Variants in PTPRO observed in about 807,000 individuals in gnomAD.
PTPRO encodes the protein receptor-type tyrosine-protein phosphatase O.
Under a neutral mutation model 145.2 loss-of-function variants are expected in PTPRO, and 62 were observed. That is an observed-to-expected ratio of 0.43 (90% CI 0.35 to 0.53). The LOEUF (loss-of-function observed/expected upper bound fraction) is 0.53. Among genes scored for constraint, PTPRO ranks in the 20% least tolerant of loss-of-function variants. The pLI, the probability that PTPRO is intolerant of heterozygous loss-of-function variation, is 0.01. For synonymous variants in PTPRO, 565 were observed against 514.7 expected, an observed-to-expected ratio of 1.10 and a Z score of -1.32; for missense variants, 1,345 against 1,482.7, an observed-to-expected ratio of 0.91 and a Z score of 1.53.
chr12:15,429,762 C>T (rs2136339002), intron 1 of PTPRO, among the ~76,000 whole-genome samples: 1 of 152,146 alleles, frequency 6.6e-6, no homozygotes, highest in Middle Eastern at 3.4e-3. Flanking sequence ...ATGTAGAAAA[C>T]AACTGGATGA....
In PTPRO at chr12:15,502,186, T is replaced by G. The variant is rs555090292; in HGVS notation, c.1105+123T>G. On this transcript the variant is annotated intron_variant, in intron 5 of 26. Coordinates refer to ENST00000281171, the MANE Select transcript of PTPRO (RefSeq NM_030667.3). ...GTTATTAGTCAAAGAATAATGGTAA[T>G]GAAAGGGGAGAATTTAATTGAGTAT... The G allele has an allele frequency of 1.8e-4, 176 of 981,436 alleles. 1 individual carries two copies. The Middle Eastern group carries it at 2.9e-3, about 16-fold the overall frequency. The allele number at this position is 981,436 out of a possible 1,614,324, so 60.8% of individuals were successfully genotyped here.
intron 10 of PTPRO, among the ~76,000 whole-genome samples, chr12:15,524,014 G>T (rs1942783651): frequency 6.6e-6 from 1 of 151,844 alleles, no homozygotes; most frequent in East Asian, 2.0e-4. Flanking sequence ...GCACAGGCTG[G>T]TCTTGAACTG....
At chr12:15,377,408 T>C (rs1591757096) in intron 1 of PTPRO, among the ~76,000 whole-genome samples, 2 of 152,194 alleles carry the variant, frequency 1.3e-5, no homozygotes, top group African/African-American at 4.8e-5. Context: ...AACTCTACAC[T>C]GTCTACAAGA....
intron 1 of PTPRO, among the ~76,000 whole-genome samples, chr12:15,339,030 T>C (rs914830999): frequency 6.6e-6 from 1 of 152,180 alleles, no homozygotes; most frequent in Non-Finnish European, 1.5e-5. Flanking sequence ...AATACTATAA[T>C]AGAAGCTTTG....
intron 1 of PTPRO, among the ~76,000 whole-genome samples, chr12:15,327,686 C>G (rs1401655664): frequency 2.0e-5 from 3 of 151,984 alleles, no homozygotes; most frequent in Non-Finnish European, 4.4e-5. Flanking sequence ...TTTTTGTGCG[C>G]TGGTGTCATT....
chr12:15,508,458 TC>T, intron 6 of PTPRO, 112 bp from the exon 7 acceptor site: 1 of 1,151,762 alleles, frequency 8.7e-7, no homozygotes, highest in Non-Finnish European at 1.3e-6. Flanking sequence ...CGCCAATCTT[TC>T]TTTGAATCTC....
chr12:15,574,359 C>T (rs2135624855), intron 19 of PTPRO, among the ~76,000 whole-genome samples: 1 of 152,196 alleles, frequency 6.6e-6, no homozygotes, highest in South Asian at 2.1e-4. Flanking sequence ...TTTGAAGAAC[C>T]AGACTTTATA....
chr12:15,568,023 A>AT (rs1166598777), intron 18 of PTPRO, among the ~76,000 whole-genome samples: 1 of 152,250 alleles, frequency 6.6e-6, no homozygotes, highest in Non-Finnish European at 1.5e-5. Flanking sequence ...TCTGGAAGAT[A>AT]TAACGCCCTC....
At chr12:15,564,757 T>G (rs1429232843) in intron 17 of PTPRO, among the ~76,000 whole-genome samples, 1 of 152,212 alleles carries the variant, frequency 6.6e-6, no homozygotes, top group Non-Finnish European at 1.5e-5. Context: ...CTCTGAAAAT[T>G]ACTTGCAAAA....
intron 1 of PTPRO, among the ~76,000 whole-genome samples, chr12:15,422,487 C>G (rs1339789901): frequency 6.6e-6 from 1 of 152,066 alleles, no homozygotes; most frequent in African/African-American, 2.4e-5. Context: ...AGGTAGAACC[C>G]AATAACTGCC....
intron 1 of PTPRO, among the ~76,000 whole-genome samples, chr12:15,448,339 T>TCAAAAAAAAAAAAAAAAAAAAAAAAAAAA (rs1940956391): frequency 2.2e-5 from 1 of 45,020 alleles, no homozygotes; most frequent in Non-Finnish European, 4.3e-5. Context: ...CTGTTCCTAG[T>TCAAAAAAAAAAAAAAAAAAAAAAAAAAAA]AAAAAAAAAA....
intron 2 of PTPRO, among the ~76,000 whole-genome samples, chr12:15,493,953 A>G (rs1251523559): frequency 6.6e-6 from 1 of 152,222 alleles, no homozygotes; most frequent in Non-Finnish European, 1.5e-5. Context: ...ACGTTCTTGT[A>G]TCAAGAGTGA....
chr12:15,376,857 G>A lies in PTPRO; in HGVS notation c.75+54056G>A, dbSNP rs141922472. ...CCCACACCCTAATTCTATCACATTG[G>A]GGGTATTTCAATATATAAATGTTAA... On this transcript the variant is annotated intron_variant, in intron 1 of 26. Transcript: ENST00000281171. 2.0e-3 allele frequency among the ~76,000 whole-genome samples: 304 copies of A among 152,192 alleles called. 1 individual carries two copies. The highest frequency in any genetic ancestry group is 3.4e-3 in the Middle Eastern group (1 of 294).
At chr12:15,547,985 A>G (rs781099069) in intron 13 of PTPRO, among the ~76,000 whole-genome samples, 1 of 152,216 alleles carries the variant, frequency 6.6e-6, no homozygotes, top group Non-Finnish European at 1.5e-5. Flanking sequence ...TGACTCAAGA[A>G]TAAGTTAATA....
intron 1 of PTPRO, among the ~76,000 whole-genome samples, chr12:15,483,141 T>C (rs139870682): frequency 5.0e-4 from 76 of 152,190 alleles, no homozygotes; most frequent in Non-Finnish European, 8.2e-4. Flanking sequence ...GGACACTACA[T>C]ACCTAGAAGA....
intron 1 of PTPRO, among the ~76,000 whole-genome samples, chr12:15,420,518 G>A (rs1039992454): frequency 6.6e-6 from 1 of 151,494 alleles, no homozygotes; most frequent in African/African-American, 2.4e-5. Flanking sequence ...GTTCCTTCCC[G>A]TCTTACCACA....
chr12:15,572,192 A>G (rs1468782557), intron 19 of PTPRO, among the ~76,000 whole-genome samples: 1 of 152,232 alleles, frequency 6.6e-6, no homozygotes, highest in Non-Finnish European at 1.5e-5. Flanking sequence ...TTTTTTATGT[A>G]GTGAACATGC....
At chr12:15,571,650 C>T (rs149245259) in intron 19 of PTPRO, among the ~76,000 whole-genome samples, 1 of 152,306 alleles carries the variant, frequency 6.6e-6, no homozygotes, top group African/African-American at 2.4e-5. Flanking sequence ...CTTTTGTTTC[C>T]ATGGTTTCCA....
intron 1 of PTPRO, among the ~76,000 whole-genome samples, chr12:15,463,076 G>T (rs1236672107): frequency 6.6e-6 from 1 of 152,090 alleles, no homozygotes; most frequent in Admixed American, 6.5e-5. Context: ...TTCTGCAAAT[G>T]GTGTGTGATT....
Sources: allele counts gnomAD v4.1 joint callset (sites outside exome capture counted in the v4.1 genomes callset), GRCh38; gene constraint gnomAD v4.1.1; transcripts MANE v1.5; gene names NCBI Gene and HGNC (gene_info 2026-07-23, HGNC 2026-07-21).